Variants in ADRA1A observed in about 807,000 individuals in gnomAD.
ADRA1A encodes adrenoceptor alpha 1A.
ADRA1A carries 31 observed loss-of-function variants against 29.6 expected under a neutral mutation model. That is an observed-to-expected ratio of 1.05 (90% CI 0.79 to 1.41). The LOEUF is 1.41. ADRA1A is among the 40% of genes most tolerant of loss of function. The pLI is 0.00. For missense variants in ADRA1A, 619 were observed against 601.1 expected (o/e 1.03, Z -0.31); for synonymous variants, 311 against 254.3 (o/e 1.22, Z -2.12).
At chr8:26,853,983 C>CCTCTCTCTCTCTCTGCCTCT (rs1812815211) in intron 2 of ADRA1A, 1 of 150,642 alleles carries the variant, frequency 6.6e-6, no homozygotes, top group Non-Finnish European at 1.5e-5. Flanking sequence ...TCTTAGTAAA[C>CCTCTCTCTCTCTCTGCCTCT]CTCTCTCTCT....
At chr8:26,762,087 A>C (rs1245929742), downstream of ADRA1A, among the ~76,000 whole-genome samples, 1 of 152,138 alleles carries the variant, frequency 6.6e-6, no homozygotes, top group African/African-American at 2.4e-5. This position sits in a 1 kb window ranked among gnomAD's most constrained non-coding sequence, Gnocchi z 4.0. Flanking sequence ...GGAACAATAA[A>C]GGAAAGAGAC....
chr8:26,794,754 T>A (rs548627686), intron 2 of ADRA1A, among the ~76,000 whole-genome samples: 1 of 152,210 alleles, frequency 6.6e-6, no homozygotes, highest in Admixed American at 6.5e-5. Context: ...TAAGGTAGGA[T>A]TTATCCCTCA....
At chr8:26,781,685 G>A (rs1400814128) in intron 2 of ADRA1A, among the ~76,000 whole-genome samples, 1 of 152,214 alleles carries the variant, frequency 6.6e-6, no homozygotes, top group Non-Finnish European at 1.5e-5. Context: ...ATAGGGTCCT[G>A]GAAGAAGGGT....
intron 2 of ADRA1A, among the ~76,000 whole-genome samples, chr8:26,784,441 C>G (rs1807227558): frequency 1.3e-5 from 2 of 152,186 alleles, no homozygotes. Context: ...TAGTGTTGGT[C>G]AGCAATCTCA....
chr8:26,749,124 G>A (rs1332013515), intron 2 of ADRA1A, among the ~76,000 whole-genome samples: 2 of 152,176 alleles, frequency 1.3e-5, no homozygotes, highest in African/African-American at 4.8e-5. Flanking sequence ...ACACACTCAT[G>A]GCCCCTAAAA....
At chr8:26,760,383 C>G (rs562877493) in intron 2 of ADRA1A, among the ~76,000 whole-genome samples, 2 of 152,136 alleles carry the variant, frequency 1.3e-5, no homozygotes, top group Non-Finnish European at 2.9e-5. Context: ...TTCAGAAGGT[C>G]GAAATTAAGA....
chr8:26,764,206 C>T (rs1396180992), downstream of ADRA1A, among the ~76,000 whole-genome samples: 1 of 152,104 alleles, frequency 6.6e-6, no homozygotes, highest in Non-Finnish European at 1.5e-5. Flanking sequence ...AATTATTTCC[C>T]AAACTCCCTT....
chr8:26,766,610 C>T (rs1329354228), downstream of ADRA1A, among the ~76,000 whole-genome samples: 14 of 152,190 alleles, frequency 9.2e-5, no homozygotes. Flanking sequence ...TTGGCATCCT[C>T]AGCACACCTA....
At chr8:26,797,140 G>A (rs1808242220) in intron 2 of ADRA1A, among the ~76,000 whole-genome samples, 1 of 152,030 alleles carries the variant, frequency 6.6e-6, no homozygotes, top group Non-Finnish European at 1.5e-5. Context: ...GCAGATATGA[G>A]GATTTAGCTA....
chr8:26,852,949 G>A (rs779757962), intron 2 of ADRA1A, among the ~76,000 whole-genome samples: 5 of 151,986 alleles, frequency 3.3e-5, no homozygotes, highest in Admixed American at 6.6e-5. Flanking sequence ...CATGAATAAC[G>A]GTGATGTCAC....
intron 2 of ADRA1A, among the ~76,000 whole-genome samples, chr8:26,795,435 G>C (rs1285998013): frequency 6.6e-6 from 1 of 152,050 alleles, no homozygotes; most frequent in African/African-American, 2.4e-5. Flanking sequence ...TTTGAAAACT[G>C]ATAAGTAAAG....
chr8:26,845,048 T>C (rs113134432), intron 2 of ADRA1A, among the ~76,000 whole-genome samples: 5,404 of 152,224 alleles, frequency 0.036, 146 homozygotes, highest in African/African-American at 0.076. Flanking sequence ...TCCTTAGATA[T>C]ATGACACCAA....
intron 2 of ADRA1A, among the ~76,000 whole-genome samples, chr8:26,793,938 A>T (rs1457951604): frequency 1.3e-5 from 2 of 152,040 alleles, no homozygotes; most frequent in Non-Finnish European, 2.9e-5. Context: ...AAAACTGAGA[A>T]ATAGAGCCAA....
intron 2 of ADRA1A, among the ~76,000 whole-genome samples, chr8:26,760,088 T>C (rs1256018310): frequency 6.6e-6 from 1 of 152,218 alleles, no homozygotes; most frequent in Non-Finnish European, 1.5e-5. Flanking sequence ...GTAGGTACTA[T>C]GCAGTTAGAA....
intron 2 of ADRA1A, among the ~76,000 whole-genome samples, chr8:26,781,034 G>A (rs1806943371): frequency 6.6e-6 from 1 of 152,160 alleles, no homozygotes; most frequent in Admixed American, 6.5e-5. Context: ...TAAATGCAAT[G>A]CGCTTGAATC....
rs915233756 is a variant in ADRA1A, at chr8:26,831,793, A to G, written c.883+32294T>C. 2.6e-5 allele frequency among the ~76,000 whole-genome samples: 4 copies of G among 152,174 alleles called. No individual in the cohort carries two copies. Among genetic ancestry groups the G allele is most frequent in the African/African-American group, 9.7e-5 (4 of 41,442 alleles). ...CATGCAGCTTCCTTTCCATCCTTGC[A>G]TCTTCTTTGCTGTCTAGTGCTCCTT... On this transcript the variant is annotated intron_variant, in intron 2 of 2. Transcript: ENST00000380573. This position sits in a 1 kb window ranked among gnomAD's most constrained non-coding sequence, Gnocchi z 5.2.
rs1304707757 is a variant in ADRA1A, at chr8:26,815,731, A to G, written c.884-45065T>C. The stretch of plus-strand genomic sequence containing the variant: ...ATACCAAAACTTGTAGAATGCAGCC[A>G]AAGCAATAATTGGAAATGTGCAGCC... On this transcript the variant is annotated intron_variant, in intron 2 of 2. Transcript: ENST00000380573. This position sits in a 1 kb window ranked among gnomAD's most constrained non-coding sequence, Gnocchi z 4.2. Among the ~76,000 whole-genome samples the G allele has an allele frequency of 2.6e-5, 4 of 152,224 alleles. No individual in the cohort carries two copies. Among genetic ancestry groups the G allele is most frequent in the African/African-American group, 7.2e-5 (3 of 41,444 alleles).
chr8:26,853,699 CA>C (rs1044770331), intron 2 of ADRA1A: 1 of 152,056 alleles, frequency 6.6e-6, no homozygotes, highest in African/African-American at 2.4e-5. Context: ...CATAATCTAC[CA>C]AAATACAAAC....
At chr8:26,858,933 CA>C in intron 2 of ADRA1A, 2 of 724,484 alleles carry the variant, frequency 2.8e-6, no homozygotes, top group Non-Finnish European at 3.7e-6. Flanking sequence ...TTCAATGCAG[CA>C]AGCAACCCAG....
Sources: gnomAD v4.1 joint callset for allele counts (sites outside exome capture counted in the v4.1 genomes callset) on GRCh38, gnomAD v4.1.1 for gene constraint, Gnocchi (gnomAD v3.1) non-coding constraint, MANE v1.5 for transcripts, NCBI Gene and HGNC (gene_info 2026-07-23, HGNC 2026-07-21) for gene names.